DLGAP1: variants seen among roughly 807,000 people sequenced by gnomAD.
DLGAP1 encodes the protein DLG associated protein 1.
DLGAP1 carries 11 observed loss-of-function variants against 90.8 expected under a neutral mutation model. The ratio of observed to expected loss-of-function variants is 0.12; its 90% CI spans 0.08 to 0.20. The LOEUF is 0.20. Among genes scored for constraint, DLGAP1 ranks in the 10% least tolerant of loss-of-function variants. The pLI, the probability that DLGAP1 is intolerant of heterozygous loss-of-function variation, is 1.00. For synonymous variants in DLGAP1, 558 were observed against 540.7 expected, an observed-to-expected ratio of 1.03 and a Z score of -0.44; for missense variants, 1,050 against 1,333.8, an observed-to-expected ratio of 0.79 and a Z score of 3.31.
chr18:4,369,995 A>T (rs548801172), intron 1 of DLGAP1, among the ~76,000 whole-genome samples: 70 of 152,214 alleles, frequency 4.6e-4, no homozygotes, highest in South Asian at 4.2e-4. Context: ...TTACAGAAGG[A>T]GAAGCAGGGA....
At chr18:4,090,504 C>T (rs972162741) in intron 2 of DLGAP1, among the ~76,000 whole-genome samples, 4 of 152,188 alleles carry the variant, frequency 2.6e-5, no homozygotes, top group African/African-American at 9.7e-5. Flanking sequence ...AGCTCAACAT[C>T]CCTGTTCATT....
At chr18:4,013,937 CAA>C (rs572519602) in intron 2 of DLGAP1, 1 of 152,140 alleles carries the variant, frequency 6.6e-6, no homozygotes, top group East Asian at 1.9e-4. Context: ...ATAATATAAA[CAA>C]TATATTTATT....
intron 1 of DLGAP1, among the ~76,000 whole-genome samples, chr18:4,397,489 A>T (rs7241809): frequency 0.013 from 1,960 of 152,296 alleles, 55 homozygotes; most frequent in African/African-American, 0.045. Flanking sequence ...CTTTGAACTG[A>T]TTATATCCAC....
At chr18:3,588,662 C>T (rs2145503777) in intron 7 of DLGAP1, among the ~76,000 whole-genome samples, 1 of 151,324 alleles carries the variant, frequency 6.6e-6, no homozygotes, top group African/African-American at 2.4e-5. Flanking sequence ...TGCCTGTATT[C>T]CCAGCTACTC....
intron 5 of DLGAP1, among the ~76,000 whole-genome samples, chr18:3,806,114 G>A (rs1422698674): frequency 1.3e-5 from 2 of 152,170 alleles, no homozygotes; most frequent in Non-Finnish European, 2.9e-5. Flanking sequence ...CCTGCAAAAT[G>A]TCTTCCATCT....
chr18:3,726,647 G>C (rs1365701744), intron 7 of DLGAP1, among the ~76,000 whole-genome samples: 1 of 152,192 alleles, frequency 6.6e-6, no homozygotes, highest in Non-Finnish European at 1.5e-5. Flanking sequence ...TAATGGTTTA[G>C]TACTTAAACT....
Position 4,342,341 on chromosome 18 carries a change from T to C in DLGAP1, c.-267+112665A>G, listed in dbSNP as rs1335402873. Among the ~76,000 whole-genome samples, 1 of 152,132 alleles carries C rather than the reference T, an allele frequency of 6.6e-6. No homozygotes were observed. Among genetic ancestry groups the C allele is most frequent in the Admixed American group, 6.5e-5 (1 of 15,268 alleles). ...TTTGAACTATAAAATATTATACTTA[T>C]GAATATAAATAGAATATGTTAAATG... On this transcript the variant is annotated intron_variant, in intron 1 of 12. Coordinates refer to ENST00000315677, the MANE Select transcript of DLGAP1 (RefSeq NM_004746.4). This position sits in a 1 kb window ranked among gnomAD's most constrained non-coding sequence, Gnocchi z 5.8.
intron 1 of DLGAP1, among the ~76,000 whole-genome samples, chr18:4,400,346 T>C (rs1017706540): frequency 6.6e-6 from 1 of 152,264 alleles, no homozygotes; most frequent in Non-Finnish European, 1.5e-5. Context: ...TGACCTAATA[T>C]GTCTCATAAA....
Position 3,534,471 on chromosome 18 carries a change from G to A in DLGAP1, c.2202C>T (p.Ala734=), listed in dbSNP as rs778438808. The A allele has an allele frequency of 1.3e-5, 21 of 1,614,084 alleles. No homozygotes were observed. The Admixed American group carries it at 2.7e-4, about 20-fold the overall frequency. ...GPMARQFSRD[A]STSTVSIQGS... ...CCTGAATGCTGACTGTGGAGGTGCT[G>A]GCATCGCGGGAGAACTGTCTGGCCA... Residue 734 remains alanine (A), a synonymous_variant, in exon 10 of 13, where the codon GCC becomes GCT. Coordinates refer to ENST00000315677, the MANE Select transcript of DLGAP1 (RefSeq NM_004746.4).
chr18:4,187,028 T>C (rs2077307994), intron 1 of DLGAP1, among the ~76,000 whole-genome samples: 3 of 152,156 alleles, frequency 2.0e-5, no homozygotes, highest in Admixed American at 6.6e-5. Flanking sequence ...GTAAATGAGA[T>C]TGTGTTCCTG....
chr18:3,703,115 A>G (rs944891035), intron 7 of DLGAP1, among the ~76,000 whole-genome samples: 1 of 152,234 alleles, frequency 6.6e-6, no homozygotes, highest in Non-Finnish European at 1.5e-5. Flanking sequence ...AGGAAGGAGG[A>G]TGGGGACCCA....
At chr18:4,189,739 G>A (rs930251549) in intron 1 of DLGAP1, among the ~76,000 whole-genome samples, 1 of 152,092 alleles carries the variant, frequency 6.6e-6, no homozygotes, top group Non-Finnish European at 1.5e-5. Flanking sequence ...GATTAAGACA[G>A]TACAGTATTC....
intron 2 of DLGAP1, among the ~76,000 whole-genome samples, chr18:4,048,044 A>T (rs2075081102): frequency 6.6e-6 from 1 of 152,254 alleles, no homozygotes; most frequent in South Asian, 2.1e-4. Flanking sequence ...GCAATCTTCC[A>T]GCCTTGGCCT....
intron 1 of DLGAP1, among the ~76,000 whole-genome samples, chr18:4,159,964 C>A (rs1209460453): frequency 6.6e-6 from 1 of 152,238 alleles, no homozygotes; most frequent in Non-Finnish European, 1.5e-5. Context: ...CTGCCTCCCA[C>A]ACCAACTCAC....
At chr18:3,523,575 C>A (rs76137587) in intron 10 of DLGAP1, among the ~76,000 whole-genome samples, 1 of 151,714 alleles carries the variant, frequency 6.6e-6, no homozygotes, top group Non-Finnish European at 1.5e-5. Flanking sequence ...CGACCAGGTG[C>A]GGTGGCTCAC....
At chr18:3,635,202 C>G (rs917344818) in intron 7 of DLGAP1, among the ~76,000 whole-genome samples, 32 of 150,696 alleles carry the variant, frequency 2.1e-4, no homozygotes, top group African/African-American at 6.6e-4. Flanking sequence ...GGGATCTCGG[C>G]TCACTGCAAG....
chr18:3,911,015 C>T (rs1377891695), intron 3 of DLGAP1, among the ~76,000 whole-genome samples: 1 of 152,168 alleles, frequency 6.6e-6, no homozygotes, highest in Non-Finnish European at 1.5e-5. Context: ...GACATTTAAA[C>T]ACTCTAGAGT....
chr18:3,726,128 A>C (rs2062167966), intron 7 of DLGAP1, among the ~76,000 whole-genome samples: 1 of 152,174 alleles, frequency 6.6e-6, no homozygotes, highest in Admixed American at 6.6e-5. Flanking sequence ...GAAAAACAAC[A>C]TCTGTTGTGA....
intron 3 of DLGAP1, among the ~76,000 whole-genome samples, chr18:3,886,037 A>C (rs1473731801): frequency 3.3e-5 from 5 of 152,176 alleles, no homozygotes; most frequent in Admixed American, 3.3e-4. Context: ...ATTTTTGTGC[A>C]TGTCTTTATT....
Sources: allele counts gnomAD v4.1 joint callset (sites outside exome capture counted in the v4.1 genomes callset), GRCh38; gene constraint gnomAD v4.1.1; non-coding constraint Gnocchi (gnomAD v3.1); transcripts MANE v1.5; gene names NCBI Gene and HGNC (gene_info 2026-07-23, HGNC 2026-07-21).